The following ZNF407 variants were observed in gnomAD, a reference collection of about 807,000 sequenced individuals.
ZNF407 encodes zinc finger protein 407.
ZNF407 carries 17 observed loss-of-function variants against 131.2 expected under a neutral mutation model. The observed-to-expected ratio is 0.13, with a 90% confidence interval of 0.09 to 0.19. ZNF407 has a LOEUF of 0.19. Ranked by LOEUF, ZNF407 falls within the 10% of genes least tolerant of loss-of-function variation. ZNF407 has a pLI of 1.00. For synonymous variants in ZNF407, 1,156 were observed against 1,062.0 expected (o/e 1.09, Z -1.72); for missense variants, 2,681 against 2,830.6 (o/e 0.95, Z 1.20).
At chr18:74,762,188 C>T (rs1969110868) in intron 3 of ZNF407, among the ~76,000 whole-genome samples, 2 of 152,008 alleles carry the variant, frequency 1.3e-5, no homozygotes, top group African/African-American at 4.8e-5. Context: ...ATTTAGGAAA[C>T]AATGTCTGGT....
At chr18:74,783,527 C>T (rs62089881) in intron 4 of ZNF407, among the ~76,000 whole-genome samples, 97,027 of 151,548 alleles carry the variant, frequency 0.64, 33,267 homozygotes, top group East Asian at 0.95. Context: ...CTATATATTA[C>T]GAATTTGAGA....
At chr18:74,626,112 C>A (rs1392712586) in intron 1 of ZNF407, among the ~76,000 whole-genome samples, 1 of 152,152 alleles carries the variant, frequency 6.6e-6, no homozygotes, top group African/African-American at 2.4e-5. Context: ...AAAAGACTAA[C>A]AAAGCACATT....
At chr18:74,825,946 C>G (rs1161024352) in intron 4 of ZNF407, among the ~76,000 whole-genome samples, 1 of 152,160 alleles carries the variant, frequency 6.6e-6, no homozygotes, top group African/African-American at 2.4e-5. Context: ...AAGCATCTGT[C>G]TATAAGAGCT....
At chr18:74,776,509 G>A (rs994798694) in intron 3 of ZNF407, among the ~76,000 whole-genome samples, 1 of 152,132 alleles carries the variant, frequency 6.6e-6, no homozygotes, top group Non-Finnish European at 1.5e-5. Flanking sequence ...GTGCTAATCA[G>A]CACACACATG....
chr18:74,953,794 G>A (rs1019258563), intron 8 of ZNF407, among the ~76,000 whole-genome samples: 6 of 152,198 alleles, frequency 3.9e-5, no homozygotes, highest in African/African-American at 9.7e-5. Context: ...CCCTTACTCC[G>A]ATGTCATTGT....
At chr18:74,804,451 C>A (rs1290425084) in intron 4 of ZNF407, 6 of 991,366 alleles carry the variant, frequency 6.1e-6, no homozygotes, top group Non-Finnish European at 7.2e-6. Flanking sequence ...TCAGAGAAGT[C>A]TTTCGTTAAT....
At chr18:74,730,034 C>T (rs184475526) in intron 3 of ZNF407, among the ~76,000 whole-genome samples, 40 of 152,234 alleles carry the variant, frequency 2.6e-4, no homozygotes, top group African/African-American at 9.4e-4. Context: ...TGTGTAATGA[C>T]TCAGTATTCA....
chr18:74,894,813 C>CT (rs1393772575), intron 7 of ZNF407, among the ~76,000 whole-genome samples: 2 of 152,118 alleles, frequency 1.3e-5, no homozygotes, highest in African/African-American at 4.8e-5. Context: ...AAGCCAGACT[C>CT]TGACAGTTTT....
intron 3 of ZNF407, among the ~76,000 whole-genome samples, chr18:74,743,162 A>C (rs1455337255): frequency 2.6e-5 from 4 of 152,188 alleles, no homozygotes; most frequent in Admixed American, 6.5e-5. Flanking sequence ...GCTGGAGAAG[A>C]AGCAAGTTAC....
At chr18:74,935,210 G>A (rs1972026461) in intron 8 of ZNF407, among the ~76,000 whole-genome samples, 1 of 152,100 alleles carries the variant, frequency 6.6e-6, no homozygotes, top group Non-Finnish European at 1.5e-5. Flanking sequence ...TATACTATTT[G>A]GTAGTATTAG....
chr18:74,616,561 T>G (rs1443694069), intron 1 of ZNF407, among the ~76,000 whole-genome samples: 3 of 151,920 alleles, frequency 2.0e-5, no homozygotes, highest in Non-Finnish European at 4.4e-5. Context: ...GCATTCTGAT[T>G]GTTGTTTTTT....
At chr18:74,652,531 T>A (rs1331132337) in intron 3 of ZNF407, among the ~76,000 whole-genome samples, 2 of 152,052 alleles carry the variant, frequency 1.3e-5, no homozygotes, top group Non-Finnish European at 2.9e-5. Context: ...TGCTGAGAAC[T>A]TAAACTAAGG....
rs566159105 is a variant in ZNF407 at position 74,907,623 on chromosome 18, T to G, written c.5250-12891T>G. ...GGAACTCTGTAGGAGAAGCTAACTCTTAGCTCTCAATGGTATAGAATTCCC... is the reference window on the plus strand; with the variant it reads ...GGAACTCTGTAGGAGAAGCTAACTCGTAGCTCTCAATGGTATAGAATTCCC... On this transcript the variant is annotated intron_variant, in intron 7 of 8. Coordinates refer to ENST00000299687, the MANE Select transcript of ZNF407 (RefSeq NM_017757.3). Among the ~76,000 whole-genome samples the G allele has an allele frequency of 2.6e-5, 4 of 152,338 alleles. No individual in the cohort carries two copies. In the East Asian group the frequency reaches 5.8e-4, roughly 22 times the overall value.
At chr18:74,969,423 T>G (rs74617644) in intron 8 of ZNF407, among the ~76,000 whole-genome samples, 1,645 of 152,328 alleles carry the variant, frequency 0.011, 32 homozygotes, top group African/African-American at 0.037. Flanking sequence ...TTGTTTAGAT[T>G]TAGCATGTGG....
chr18:74,798,486 T>A (rs978555924), intron 4 of ZNF407, among the ~76,000 whole-genome samples: 2 of 152,148 alleles, frequency 1.3e-5, no homozygotes, highest in Non-Finnish European at 2.9e-5. Flanking sequence ...TGATGAGGGA[T>A]TATTTTCATT....
intron 3 of ZNF407, among the ~76,000 whole-genome samples, chr18:74,704,439 CTG>C (rs1331040209): frequency 6.6e-6 from 1 of 152,136 alleles, no homozygotes; most frequent in Admixed American, 6.5e-5. Context: ...TAGAGTTTAA[CTG>C]TAACTATCAG....
intron 3 of ZNF407, among the ~76,000 whole-genome samples, chr18:74,730,266 A>G (rs542963548): frequency 6.6e-6 from 1 of 152,300 alleles, no homozygotes; most frequent in South Asian, 2.1e-4. Flanking sequence ...ACTTTTTAAT[A>G]TTCTCCCTGT....
At chr18:74,900,202 T>C (rs1971505579) in intron 7 of ZNF407, among the ~76,000 whole-genome samples, 1 of 152,188 alleles carries the variant, frequency 6.6e-6, no homozygotes. Context: ...CTCTGAGGAC[T>C]TCTCAGAACA....
chr18:74,999,952 A>G (rs1428447903), intron 8 of ZNF407, among the ~76,000 whole-genome samples: 2 of 152,250 alleles, frequency 1.3e-5, no homozygotes, highest in African/African-American at 4.8e-5. Flanking sequence ...CATAAATAGA[A>G]TATCATGTAA....
Sources: allele counts gnomAD v4.1 joint callset (sites outside exome capture counted in the v4.1 genomes callset), GRCh38; gene constraint gnomAD v4.1.1; transcripts MANE v1.5; gene names NCBI Gene and HGNC (gene_info 2026-07-23, HGNC 2026-07-21).